RBFOX1: variants seen among roughly 807,000 people sequenced by gnomAD.
RBFOX1 encodes RNA binding fox-1 homolog 1, also known as RNA binding protein fox-1 homolog 1.
Under a neutral mutation model 57.7 loss-of-function variants are expected in RBFOX1, and 8 were observed. That is an observed-to-expected ratio of 0.14 (90% CI 0.08 to 0.25). The LOEUF (loss-of-function observed/expected upper bound fraction) is 0.25, where lower values mean the gene tolerates loss of function less well. Ranked by LOEUF, RBFOX1 falls within the 10% of genes least tolerant of loss-of-function variation. The pLI is 1.00. For synonymous variants in RBFOX1, 326 were observed against 222.4 expected (o/e 1.47, Z -4.15); for missense variants, 611 against 548.5 (o/e 1.11, Z -1.14).
chr16:6,547,111 G>C (rs1231129687), intron 2 of RBFOX1, among the ~76,000 whole-genome samples: 1 of 152,216 alleles, frequency 6.6e-6, no homozygotes, highest in East Asian at 1.9e-4. Flanking sequence ...ATTGCATTGA[G>C]AATAAAGTAT....
rs181485088 is a variant in RBFOX1, at chr16:7,534,167, G to A, written c.270+15778G>A. Among the ~76,000 whole-genome samples, 469 of 147,858 alleles carry A rather than the reference G, an allele frequency of 3.2e-3. 1 individual carries two copies. The highest frequency in any genetic ancestry group is 5.4e-3 in the Non-Finnish European group (365 of 67,276). On this transcript the variant is annotated intron_variant, in intron 5 of 15. Transcript: ENST00000550418. ...AGTGGCTCGATCTCGGCTCACTGCA[G>A]CCTCCACCTCCCAGGTTCAGGCGAT...
intron 3 of RBFOX1, among the ~76,000 whole-genome samples, chr16:7,010,372 C>T (rs562819396): frequency 1.8e-4 from 28 of 152,258 alleles, no homozygotes; most frequent in South Asian, 6.2e-4. Context: ...CAGACTCTTA[C>T]GCTAGGACAC....
At position 6,159,372 on chromosome 16, in the gene RBFOX1, C is replaced by G. The variant is rs573507277; in HGVS notation, c.-127+139380C>G. Reference sequence around the variant, plus strand: ...GATTACAGGCGTGAGCCACCGCACACGGCCTCTGTCATAGGTTTTTGGGGG... The same window carrying G: ...GATTACAGGCGTGAGCCACCGCACAGGGCCTCTGTCATAGGTTTTTGGGGG... On this transcript the variant is annotated intron_variant, in intron 1 of 15. Transcript: ENST00000550418. Among the ~76,000 whole-genome samples the G allele has an allele frequency of 2.0e-5, 3 of 152,274 alleles. No homozygotes were observed. In the South Asian group the frequency reaches 6.2e-4, roughly 32 times the overall value.
intron 3 of RBFOX1, among the ~76,000 whole-genome samples, chr16:6,793,460 C>T (rs1482284095): frequency 6.6e-6 from 1 of 152,142 alleles, no homozygotes; most frequent in Non-Finnish European, 1.5e-5. Flanking sequence ...CCCTTCATCT[C>T]AGTGTCTCAG....
intron 5 of RBFOX1, among the ~76,000 whole-genome samples, chr16:7,521,708 A>G (rs1006671666): frequency 2.6e-5 from 4 of 152,252 alleles, no homozygotes; most frequent in African/African-American, 7.2e-5. Flanking sequence ...TTTATCTATC[A>G]TAATGACAGT....
chr16:6,251,097 C>A (rs145602404), intron 1 of RBFOX1, among the ~76,000 whole-genome samples: 1 of 152,090 alleles, frequency 6.6e-6, no homozygotes, highest in Non-Finnish European at 1.5e-5. Context: ...CATGATATAG[C>A]CATTGTGTTC....
chr16:6,088,377 T>A (rs1271441518), intron 1 of RBFOX1, among the ~76,000 whole-genome samples: 1 of 152,152 alleles, frequency 6.6e-6, no homozygotes, highest in Non-Finnish European at 1.5e-5. Context: ...TCTGATGTGA[T>A]TTAGTAATTG....
At chr16:6,867,418 G>C (rs2060130373) in intron 3 of RBFOX1, among the ~76,000 whole-genome samples, 1 of 151,582 alleles carries the variant, frequency 6.6e-6, no homozygotes, top group Non-Finnish European at 1.5e-5. Flanking sequence ...AAACTAATGA[G>C]GATTAAGGGA....
rs1487363463 is a variant in RBFOX1 at position 5,350,815 on chromosome 16, A to T, written c.219+110710A>T. ...CGGAGGCGGAGGTTGCAGTGAGCCGATATTGCACCACTGCGCTCCAGCCTG... is the reference window on the plus strand; with the variant it reads ...CGGAGGCGGAGGTTGCAGTGAGCCGTTATTGCACCACTGCGCTCCAGCCTG... On this transcript the variant is annotated intron_variant, in intron 1 of 2. Coordinates refer to the RBFOX1 transcript ENST00000585867. 2.6e-5 allele frequency among the ~76,000 whole-genome samples: 4 copies of T among 152,194 alleles called. No individual in the cohort carries two copies. In the South Asian group the frequency reaches 8.3e-4, roughly 31 times the overall value.
At chr16:6,995,824 C>G (rs749288328) in intron 3 of RBFOX1, among the ~76,000 whole-genome samples, 1 of 152,136 alleles carries the variant, frequency 6.6e-6, no homozygotes, top group African/African-American at 2.4e-5. Flanking sequence ...GAGGTACTTA[C>G]ACTTGAGATT....
intron 1 of RBFOX1, among the ~76,000 whole-genome samples, chr16:6,160,909 A>G (rs1423313617): frequency 6.6e-6 from 1 of 152,126 alleles, no homozygotes; most frequent in Non-Finnish European, 1.5e-5. Context: ...CGCTCTCCGC[A>G]CACGATCCTG....
intron 3 of RBFOX1, among the ~76,000 whole-genome samples, chr16:6,742,327 A>C (rs74365406): frequency 1.3e-5 from 2 of 152,182 alleles, no homozygotes; most frequent in Admixed American, 6.5e-5. Context: ...TAAGATAGAA[A>C]CTATCAAATA....
At chr16:6,821,899 C>T (rs2091371227) in intron 3 of RBFOX1, among the ~76,000 whole-genome samples, 1 of 152,172 alleles carries the variant, frequency 6.6e-6, no homozygotes, top group Non-Finnish European at 1.5e-5. Flanking sequence ...ATTGCTAGGT[C>T]ATATGGTTTA....
chr16:6,555,083 A>G (rs2097073014), intron 2 of RBFOX1, among the ~76,000 whole-genome samples: 2 of 152,146 alleles, frequency 1.3e-5, no homozygotes, highest in African/African-American at 4.8e-5. Context: ...GCACATGGAA[A>G]CACAGGGAAG....
intron 2 of RBFOX1, among the ~76,000 whole-genome samples, chr16:6,470,286 A>G (rs535959185): frequency 6.6e-6 from 1 of 152,290 alleles, no homozygotes; most frequent in South Asian, 2.1e-4. Flanking sequence ...TTTTACAGTA[A>G]CAGTTTGTTA....
intron 3 of RBFOX1, among the ~76,000 whole-genome samples, chr16:6,748,690 G>C (rs1603514131): frequency 6.6e-6 from 1 of 152,122 alleles, no homozygotes; most frequent in African/African-American, 2.4e-5. Context: ...GGAGTATATA[G>C]AATTTGAACT....
intron 1 of RBFOX1, among the ~76,000 whole-genome samples, chr16:6,053,373 G>T (rs1237742181): frequency 6.6e-6 from 1 of 152,180 alleles, no homozygotes. Flanking sequence ...TGGCCCTGAA[G>T]AATGGATTGT....
At chr16:5,356,387 C>T (rs1203944242) in intron 1 of RBFOX1, among the ~76,000 whole-genome samples, 1 of 152,166 alleles carries the variant, frequency 6.6e-6, no homozygotes, top group African/African-American at 2.4e-5. Flanking sequence ...CCGTAGGAAA[C>T]TCTATAGGGA....
chr16:5,955,330 A>AAAAT (rs2059608820), intron 4 of RBFOX1, among the ~76,000 whole-genome samples: 1 of 84,508 alleles, frequency 1.2e-5, no homozygotes, highest in African/African-American at 5.6e-5. Flanking sequence ...ATAAAATAAA[A>AAAAT]TAAAATAAAA....
Sources: gnomAD v4.1 joint callset for allele counts (sites outside exome capture counted in the v4.1 genomes callset) on GRCh38, gnomAD v4.1.1 for gene constraint, MANE v1.5 for transcripts, NCBI Gene and HGNC (gene_info 2026-07-23, HGNC 2026-07-21) for gene names.